Variants in NDST4 observed in about 807,000 individuals in gnomAD.
The protein encoded by NDST4 is N-heparan sulfate sulfotransferase 4.
Under a neutral mutation model 100.8 loss-of-function variants are expected in NDST4, and 63 were observed. The observed-to-expected ratio is 0.62, with a 90% CI of 0.51 to 0.77. NDST4 has a LOEUF of 0.77. Among genes scored for constraint, NDST4 ranks in the 30% least tolerant of loss-of-function variants. The probability of loss-of-function intolerance (pLI) is 0.00; values close to 1 mark genes in which losing one functional copy is unlikely to be tolerated. For synonymous variants in NDST4, 377 were observed against 361.8 expected (o/e 1.04, Z -0.48); for missense variants, 943 against 1,018.4 (o/e 0.93, Z 1.01).
intron 6 of NDST4, among the ~76,000 whole-genome samples, chr4:114,912,336 A>G (rs1725078818): frequency 1.3e-5 from 2 of 152,170 alleles, no homozygotes; most frequent in African/African-American, 4.8e-5. Context: ...GCCTAAGAAC[A>G]CGGCTCTCTT....
intron 11 of NDST4, among the ~76,000 whole-genome samples, chr4:114,835,147 C>T (rs950392655): frequency 3.9e-5 from 6 of 151,964 alleles, no homozygotes; most frequent in Admixed American, 3.9e-4. Context: ...TTAGTTATTT[C>T]TTGTCTTCTG....
In NDST4 at chr4:114,991,180, T is replaced by C. The variant is rs540893573; in HGVS notation, c.979-13906A>G. Among the ~76,000 whole-genome samples the C allele has an allele frequency of 5.3e-5, 8 of 152,192 alleles. No homozygotes were observed. The South Asian group carries it at 1.7e-3, about 32-fold the overall frequency. ...GTTTCTCAAGACTATAGACAGTCGA[T>C]CAATCTCTCGAGACCATGGTGCACT... is the stretch of plus-strand genomic sequence containing the variant. On this transcript the variant is annotated intron_variant, in intron 2 of 13. Transcript: ENST00000264363.
At chr4:114,975,064 A>G (rs537871673) in intron 3 of NDST4, among the ~76,000 whole-genome samples, 1 of 152,220 alleles carries the variant, frequency 6.6e-6, no homozygotes, top group East Asian at 1.9e-4. Flanking sequence ...TTTTTCTAAA[A>G]TGTGAAATCT....
intron 3 of NDST4, among the ~76,000 whole-genome samples, chr4:114,974,863 A>T (rs1229837385): frequency 6.6e-6 from 1 of 152,100 alleles, no homozygotes; most frequent in African/African-American, 2.4e-5. Context: ...ATCAATCATT[A>T]TTACACTGGG....
chr4:114,956,641 C>T (rs1221977291), intron 4 of NDST4, among the ~76,000 whole-genome samples: 1 of 152,078 alleles, frequency 6.6e-6, no homozygotes, highest in Non-Finnish European at 1.5e-5. Flanking sequence ...AGGCAGACAG[C>T]TTAACAAAAA....
chr4:114,952,376 T>C (rs1217207920), intron 4 of NDST4, among the ~76,000 whole-genome samples: 1 of 152,038 alleles, frequency 6.6e-6, no homozygotes, highest in South Asian at 2.1e-4. Context: ...TGAAAAAAGC[T>C]ATTTGGTGGG....
At chr4:115,039,517 T>C (rs61524002) in intron 2 of NDST4, among the ~76,000 whole-genome samples, 14,310 of 152,128 alleles carry the variant, frequency 0.094, 2,079 homozygotes, top group African/African-American at 0.31. Flanking sequence ...AAAAGATGTG[T>C]GTGCATTATT....
chr4:114,829,645 AT>A, intron 13 of NDST4, 144 bp downstream of exon 13: 1 of 547,528 alleles, frequency 1.8e-6, no homozygotes, highest in Non-Finnish European at 3.2e-6. Context: ...CTATGTGTCA[AT>A]TATCTCTATC....
chr4:114,840,465 G>A (rs907225650), intron 10 of NDST4, among the ~76,000 whole-genome samples: 23 of 152,120 alleles, frequency 1.5e-4, no homozygotes, highest in Non-Finnish European at 2.6e-4. Context: ...TTGTATATTT[G>A]ACATATTTGA....
At chr4:115,097,832 C>T (rs887733258) in intron 1 of NDST4, among the ~76,000 whole-genome samples, 2 of 152,166 alleles carry the variant, frequency 1.3e-5, no homozygotes, top group African/African-American at 4.8e-5. Flanking sequence ...CCTACTGGGC[C>T]TCTCTATATT....
In NDST4 at chr4:115,087,207, GGA is replaced by G. The variant is rs558903111; in HGVS notation, c.-246-9927_-246-9926del. Among the ~76,000 whole-genome samples the G allele has an allele frequency of 4.3e-3, 651 of 152,036 alleles. 2 individuals are homozygous for G. Among genetic ancestry groups the G allele is most frequent in the Non-Finnish European group, 5.9e-3 (402 of 67,890 alleles). On this transcript the variant is annotated intron_variant, in intron 1 of 13. Coordinates refer to ENST00000264363, the MANE Select transcript of NDST4 (RefSeq NM_022569.3). ...ACTCTGTCTCATTTTGTATAGATTTGGAGGTAATATTTACAATGGGACATTTA... is the reference window on the plus strand; with the variant it reads ...ACTCTGTCTCATTTTGTATAGATTTGGGTAATATTTACAATGGGACATTTA...
intron 2 of NDST4, among the ~76,000 whole-genome samples, chr4:114,980,449 C>T (rs1301424897): frequency 6.6e-6 from 1 of 152,116 alleles, no homozygotes; most frequent in Non-Finnish European, 1.5e-5. Context: ...CAAGACCAGC[C>T]TGGCCCACAT....
Position 114,947,534 on chromosome 4 carries a change from T to C in NDST4, c.1222-10031A>G, listed in dbSNP as rs551011214. 1.6e-4 allele frequency among the ~76,000 whole-genome samples: 24 copies of C among 152,262 alleles called. No homozygotes were observed. The South Asian group carries it at 4.8e-3, about 30-fold the overall frequency. ...AAAGTTACAGGTATTAAGTATTAAG[T>C]TTCTACTAGTGCCTTTAACCTGGAC... On this transcript the variant is annotated intron_variant, in intron 4 of 13. Transcript: ENST00000264363.
intron 6 of NDST4, among the ~76,000 whole-genome samples, chr4:114,899,750 AT>A (rs1724795428): frequency 6.6e-6 from 1 of 152,040 alleles, no homozygotes; most frequent in Non-Finnish European, 1.5e-5. Flanking sequence ...TTTGCTGATA[AT>A]TTTTACATCT....
chr4:114,890,848 TA>T (rs1724578191), intron 6 of NDST4, among the ~76,000 whole-genome samples: 2 of 152,138 alleles, frequency 1.3e-5, no homozygotes, highest in Admixed American at 6.6e-5. Flanking sequence ...TACAATCATA[TA>T]GTCTCTTTAT....
At chr4:114,970,065 T>C (rs1726475367) in intron 4 of NDST4, among the ~76,000 whole-genome samples, 1 of 152,194 alleles carries the variant, frequency 6.6e-6, no homozygotes, top group Non-Finnish European at 1.5e-5. Flanking sequence ...TAATGATTAG[T>C]GATGTTAAGC....
chr4:115,085,256 C>T (rs1729387265), intron 1 of NDST4, among the ~76,000 whole-genome samples: 1 of 152,242 alleles, frequency 6.6e-6, no homozygotes, highest in East Asian at 1.9e-4. Flanking sequence ...GCCTGTACCC[C>T]CATTGTATCT....
intron 2 of NDST4, among the ~76,000 whole-genome samples, chr4:115,005,424 C>T (rs1727391430): frequency 6.6e-6 from 1 of 152,028 alleles, no homozygotes; most frequent in Non-Finnish European, 1.5e-5. Context: ...AGATAGTGAG[C>T]CATAGGCATA....
At chr4:115,017,382 C>T (rs1727701254) in intron 2 of NDST4, among the ~76,000 whole-genome samples, 1 of 151,804 alleles carries the variant, frequency 6.6e-6, no homozygotes, top group Admixed American at 6.6e-5. Context: ...TTGTTTTATC[C>T]ACCAAACACA....
Sources: gnomAD v4.1 joint callset for allele counts (sites outside exome capture counted in the v4.1 genomes callset) on GRCh38, gnomAD v4.1.1 for gene constraint, MANE v1.5 for transcripts, NCBI Gene and HGNC (gene_info 2026-07-23, HGNC 2026-07-21) for gene names.